The following ACTR3C variants were observed in gnomAD, a reference collection of about 807,000 sequenced individuals.
ACTR3C encodes actin-related protein 3C.
In ACTR3C, 18 loss-of-function variants were observed where a neutral mutation model predicts 26.3. That is an observed-to-expected ratio of 0.68 (90% CI 0.47 to 1.01). The LOEUF (loss-of-function observed/expected upper bound fraction) is 1.01, where lower values mean the gene tolerates loss of function less well. Among genes scored for constraint, ACTR3C ranks in the 50% least tolerant of loss-of-function variants. The pLI is 0.00. For synonymous variants in ACTR3C, 55 were observed against 94.5 expected (o/e 0.58, Z 2.42); for missense variants, 184 against 250.7 (o/e 0.73, Z 1.80).
the ACTR3C span, among the ~76,000 whole-genome samples, chr7:149,995,853 G>A: frequency 3.9e-4 from 60 of 152,368 alleles, no homozygotes; most frequent in African/African-American, 1.1e-3. Context: ...GGTGAGCCTC[G>A]TTTGGGGTCT....
chr7:150,032,633 A>C, the ACTR3C span, among the ~76,000 whole-genome samples: 2 of 152,222 alleles, frequency 1.3e-5, no homozygotes, highest in Non-Finnish European at 2.9e-5. Context: ...CCCACAGAGG[A>C]AAGTAAATCT....
the ACTR3C span, chr7:150,041,491 T>TG: frequency 2.4e-5 from 4 of 165,436 alleles, no homozygotes; most frequent in Admixed American, 8.1e-5. Context: ...GGAGCAACGA[T>TG]GGGGGGTCCT....
the ACTR3C span, among the ~76,000 whole-genome samples, chr7:150,041,643 C>A: frequency 3.9e-4 from 43 of 110,484 alleles, no homozygotes; most frequent in African/African-American, 6.3e-4. Flanking sequence ...TGCCTCCCCC[C>A]CCCTGCGATG....
chr7:150,158,981 GCA>G, the ACTR3C span, among the ~76,000 whole-genome samples: 8 of 98,338 alleles, frequency 8.1e-5, no homozygotes, highest in Non-Finnish European at 1.4e-4. Flanking sequence ...ACACAGGCAC[GCA>G]CACACGCACA....
chr7:150,079,852 T>C, the ACTR3C span, among the ~76,000 whole-genome samples: 1 of 152,306 alleles, frequency 6.6e-6, no homozygotes, highest in Non-Finnish European at 1.5e-5. Context: ...CAGACCTTTC[T>C]AGATCCCCAA....
chr7:150,058,641 G>A, the ACTR3C span, among the ~76,000 whole-genome samples: 1 of 152,186 alleles, frequency 6.6e-6, no homozygotes, highest in African/African-American at 2.4e-5. Context: ...AAGAGGCCAG[G>A]CGCCGTGGCT....
At chr7:149,902,564 T>A in the ACTR3C span, among the ~76,000 whole-genome samples, 1 of 19,914 alleles carries the variant, frequency 5.0e-5, no homozygotes, top group Non-Finnish European at 7.5e-4. Flanking sequence ...GAGACCAGCC[T>A]GGGCAACAAG....
the ACTR3C span, among the ~76,000 whole-genome samples, chr7:150,132,151 G>C: frequency 6.7e-6 from 1 of 149,806 alleles, no homozygotes; most frequent in African/African-American, 2.6e-5. Context: ...GAGTATGATG[G>C]AGTGGTGGTA....
the ACTR3C span, among the ~76,000 whole-genome samples, chr7:150,033,664 C>T: frequency 5.3e-5 from 8 of 151,914 alleles, no homozygotes; most frequent in African/African-American, 1.9e-4. Context: ...GCTCTCAGTC[C>T]CTGCCTCGCG....
the ACTR3C span, among the ~76,000 whole-genome samples, chr7:149,919,176 T>A: frequency 1.3e-5 from 2 of 148,368 alleles, no homozygotes; most frequent in African/African-American, 5.0e-5. Context: ...ATTTTTTTTG[T>A]TTTGCAATCA....
the ACTR3C span, among the ~76,000 whole-genome samples, chr7:150,191,078 C>T: frequency 6.6e-6 from 1 of 152,194 alleles, no homozygotes; most frequent in African/African-American, 2.4e-5. Flanking sequence ...CACAGCCAGA[C>T]CATATCACTA....
the ACTR3C span, among the ~76,000 whole-genome samples, chr7:149,945,701 G>A: frequency 1.3e-5 from 2 of 152,110 alleles, no homozygotes; most frequent in East Asian, 1.9e-4. Context: ...GTCTAATGCC[G>A]GCAGGTGGGA....
intron 6 of ACTR3C, among the ~76,000 whole-genome samples, chr7:150,276,606 C>A (rs1175622363): frequency 6.6e-6 from 1 of 152,254 alleles, no homozygotes; most frequent in South Asian, 2.1e-4. Flanking sequence ...CAGCCCTCAA[C>A]AGCCGCCTGA....
At chr7:149,973,429 A>G in the ACTR3C span, among the ~76,000 whole-genome samples, 58 of 152,336 alleles carry the variant, frequency 3.8e-4, no homozygotes, top group Non-Finnish European at 7.8e-4. Flanking sequence ...AAGAGCAAAT[A>G]CCTTCATGTA....
chr7:150,250,945 A>C lies in ACTR3C; in HGVS notation c.565-1891T>G, dbSNP rs375176315. Among the ~76,000 whole-genome samples, 14 of 152,344 alleles carry C rather than the reference A, an allele frequency of 9.2e-5. No individual in the cohort carries two copies. In the South Asian group the frequency reaches 1.7e-3, roughly 18 times the overall value. On this transcript the variant is annotated intron_variant, in intron 6 of 7. Coordinates refer to ENST00000683684, the MANE Select transcript of ACTR3C (RefSeq NM_001164458.2). ...TAAAAGGATGGGATTGGATGCGGTC[A>C]CCTAGGGAGCAGGTGTCAACTTTAT...
chr7:150,289,860 A>T (rs540138580), intron 3 of ACTR3C, among the ~76,000 whole-genome samples: 12 of 152,372 alleles, frequency 7.9e-5, no homozygotes, highest in Admixed American at 2.0e-4. Flanking sequence ...TAGGAATATG[A>T]AAAGAAAAAC....
chr7:149,914,974 T>C, the ACTR3C span, among the ~76,000 whole-genome samples: 3 of 151,280 alleles, frequency 2.0e-5, no homozygotes, highest in Non-Finnish European at 4.4e-5. Context: ...CCACCTCCCA[T>C]GTTTGAGCGA....
chr7:150,183,696 CAAAAAA>C, the ACTR3C span, among the ~76,000 whole-genome samples: 4 of 48,042 alleles, frequency 8.3e-5, no homozygotes, highest in Non-Finnish European at 9.0e-5. Flanking sequence ...GTGGCTATGG[CAAAAAA>C]AAAAAAAAAA....
chr7:150,010,087 C>T, the ACTR3C span, among the ~76,000 whole-genome samples: 5 of 152,378 alleles, frequency 3.3e-5, no homozygotes, highest in East Asian at 3.9e-4. Flanking sequence ...TCTCACACCA[C>T]TCCTTTCCCT....
Sources: gnomAD v4.1 joint callset for allele counts (sites outside exome capture counted in the v4.1 genomes callset) on GRCh38, gnomAD v4.1.1 for gene constraint, MANE v1.5 for transcripts, NCBI Gene and HGNC (gene_info 2026-07-23, HGNC 2026-07-21) for gene names.